Variants in KREMEN1 observed in about 807,000 individuals in gnomAD.
The protein encoded by KREMEN1 is kringle containing transmembrane protein 1.
Under a neutral mutation model 46.5 loss-of-function variants are expected in KREMEN1, and 30 were observed. That is an observed-to-expected ratio of 0.65 (90% confidence interval 0.48 to 0.88). The LOEUF (loss-of-function observed/expected upper bound fraction) is 0.88, where lower values mean the gene tolerates loss of function less well. Ranked by LOEUF, KREMEN1 falls within the 40% of genes least tolerant of loss-of-function variation. The pLI, the probability that KREMEN1 is intolerant of heterozygous loss-of-function variation, is 0.00. For synonymous variants in KREMEN1, 214 were observed against 230.6 expected (o/e 0.93, Z 0.65); for missense variants, 533 against 596.9 (o/e 0.89, Z 1.11).
At chr22:29,149,384 A>G (rs536917181), downstream of KREMEN1, among the ~76,000 whole-genome samples, 1 of 151,968 alleles carries the variant, frequency 6.6e-6, no homozygotes, top group Admixed American at 6.5e-5. Context: ...GATGGTCTCG[A>G]TCTCTTGACC....
Position 29,145,320 on chromosome 22 carries a change from G to A in KREMEN1, c.*3208G>A. 1.0e-6 allele frequency: 1 copy of A among 985,678 alleles called. No homozygotes were observed. The highest frequency in any genetic ancestry group is 4.7e-5 in the South Asian group (1 of 21,296). The allele number at this position is 985,678 out of a possible 1,614,324, so 61.1% of individuals were successfully genotyped here. ...CAGTCAGAACCCATGGCAGAAGACT[G>A]CAGGAGAGGCAGGGGAGGGGCTTCG... On this transcript the variant is annotated 3_prime_UTR_variant, in exon 9 of 9. Transcript: ENST00000400335.
intron 5 of KREMEN1, among the ~76,000 whole-genome samples, chr22:29,132,511 C>T (rs548610509): frequency 1.4e-4 from 21 of 152,320 alleles, no homozygotes; most frequent in Non-Finnish European, 2.5e-4. Context: ...TTTTCATTTG[C>T]TCCACTTTCT....
intron 9 of KREMEN1, among the ~76,000 whole-genome samples, chr22:29,164,944 G>C (rs892331206): frequency 1.3e-5 from 2 of 151,808 alleles, no homozygotes; most frequent in Non-Finnish European, 2.9e-5. Flanking sequence ...GGAGGCCCAG[G>C]CAGGCGGATC....
At position 29,073,114 on chromosome 22, in the gene KREMEN1, C is replaced by T. The variant is rs2037495363; in HGVS notation, c.-17C>T. 3.1e-6 allele frequency: 3 copies of T among 973,424 alleles called. No homozygotes were observed. Among genetic ancestry groups the T allele is most frequent in the Non-Finnish European group, 3.7e-6 (3 of 809,980 alleles). 60.3% of individuals were successfully genotyped at this position (973,424 alleles called of 1,614,324 possible). A position where few individuals can be genotyped will look rare whatever the true frequency, so the allele number is the denominator to read the frequency against. ...CTTTACCCCGGGCCGCGCCCCGGGGCCCCGCACTGACGGCCCATGGCGCCG... is the reference window on the plus strand; with the variant it reads ...CTTTACCCCGGGCCGCGCCCCGGGGTCCCGCACTGACGGCCCATGGCGCCG... On this transcript the variant is annotated 5_prime_UTR_variant, in exon 1 of 9. Transcript: ENST00000400335. This position sits in a 1 kb window ranked among gnomAD's most constrained non-coding sequence, Gnocchi z 4.4.
Position 29,137,571 on chromosome 22 carries a change from G to A in KREMEN1, c.861G>A (p.Arg287=). 1.2e-6 allele frequency: 2 copies of A among 1,613,900 alleles called. No homozygotes were observed. Among genetic ancestry groups the A allele is most frequent in the South Asian group, 1.1e-5 (1 of 91,076 alleles). ...GTGTCCTAGCCCGCTTCCACGGGAG[G>A]AGCCGCCCACCTCTGTCCTTCAACG... ...THRVLARFHG[R]SRPPLSFNVS... is the part of the protein sequence containing the mutation. The change falls in exon 6 of 9, where the codon AGG becomes AGA. Residue 287 remains arginine (R), a synonymous_variant. Coordinates refer to ENST00000400335, the MANE Select transcript of KREMEN1 (RefSeq NM_001039570.3).
chr22:29,143,699 G>A lies in KREMEN1; in HGVS notation c.*1587G>A, dbSNP rs1334623795. On this transcript the variant is annotated 3_prime_UTR_variant, in exon 9 of 9. Transcript: ENST00000400335. Reference sequence around the variant, plus strand: ...GGAGCTTGCAGTGAGCAGAGATCACGCCACTGCACTCCAGCCTGGGTGACA... The same window carrying A: ...GGAGCTTGCAGTGAGCAGAGATCACACCACTGCACTCCAGCCTGGGTGACA... The A allele has an allele frequency of 6.8e-5, 62 of 912,498 alleles. No individual in the cohort carries two copies. The highest frequency in any genetic ancestry group is 7.3e-5 in the Non-Finnish European group (56 of 764,960). The allele number at this position is 912,498 out of a possible 1,614,324, so 56.5% of individuals were successfully genotyped here.
chr22:29,137,484 C>A lies in KREMEN1; in HGVS notation c.774C>A (p.Phe258Leu), dbSNP rs1178145649. The change falls in exon 6 of 9, where the codon TTC becomes TTA. Residue 258 changes from phenylalanine (F) to leucine (L), a missense_variant. Phe to Leu is a conservative substitution (Grantham distance 22). Transcript: ENST00000400335. ...VPGASHIHFS[F>L]PLFDIRDSAD... ...GGGCCTCCCACATCCACTTCAGCTT[C>A]CCCCTATTTGACATCAGGGACTCGG... is the stretch of plus-strand genomic sequence containing the variant. 1 of 1,608,642 alleles carries A rather than the reference C, an allele frequency of 6.2e-7. No homozygotes were observed. Among genetic ancestry groups the A allele is most frequent in the Admixed American group, 1.7e-5 (1 of 59,930 alleles).
chr22:29,133,648 CTGTTTT>C (rs2038604439), intron 5 of KREMEN1, among the ~76,000 whole-genome samples: 1 of 150,736 alleles, frequency 6.6e-6, no homozygotes, highest in South Asian at 2.1e-4. Flanking sequence ...TCTTCTTTGT[CTGTTTT>C]TTTTTGTTTG....
chr22:29,102,681 C>T (rs1014866528), intron 3 of KREMEN1, among the ~76,000 whole-genome samples: 1 of 152,102 alleles, frequency 6.6e-6, no homozygotes, highest in African/African-American at 2.4e-5. Context: ...TGCTATAAAC[C>T]GCTTAGTATG....
chr22:29,128,449 TG>T (rs1312056445), intron 5 of KREMEN1, among the ~76,000 whole-genome samples: 3 of 152,194 alleles, frequency 2.0e-5, no homozygotes, highest in Admixed American at 6.5e-5. Context: ...ACATTTTTAT[TG>T]GGCATCTGCT....
intron 3 of KREMEN1, among the ~76,000 whole-genome samples, chr22:29,117,314 T>C (rs1273286337): frequency 1.3e-5 from 2 of 152,190 alleles, no homozygotes; most frequent in South Asian, 2.1e-4. Flanking sequence ...ACGCCTGTAA[T>C]CCCAGCACTT....
chr22:29,086,172 AT>A (rs1285987360), intron 1 of KREMEN1, among the ~76,000 whole-genome samples: 3 of 152,014 alleles, frequency 2.0e-5, no homozygotes, highest in African/African-American at 7.2e-5. Flanking sequence ...ATTTATTTAG[AT>A]CTTGAACTTG....
intron 1 of KREMEN1, among the ~76,000 whole-genome samples, chr22:29,077,405 A>C (rs1018399745): frequency 5.9e-5 from 9 of 152,194 alleles, no homozygotes; most frequent in Non-Finnish European, 1.3e-4. Context: ...GCTGAAGTGC[A>C]GTGGCGCAAT....
At chr22:29,161,046 A>G (rs1439934371) in intron 9 of KREMEN1, among the ~76,000 whole-genome samples, 2 of 152,224 alleles carry the variant, frequency 1.3e-5, no homozygotes, top group Non-Finnish European at 2.9e-5. Context: ...CACTTGTAAT[A>G]AGGGACCCCA....
chr22:29,093,347 G>A (rs2037830639), intron 1 of KREMEN1, among the ~76,000 whole-genome samples: 1 of 152,206 alleles, frequency 6.6e-6, no homozygotes, highest in Non-Finnish European at 1.5e-5. Context: ...ATATCTTAAA[G>A]AAGTGTTTGA....
chr22:29,076,556 T>G (rs993914328), intron 1 of KREMEN1, among the ~76,000 whole-genome samples: 2 of 152,184 alleles, frequency 1.3e-5, no homozygotes, highest in African/African-American at 4.8e-5. Flanking sequence ...AGACAAACCA[T>G]TTAAATCTTT....
intron 1 of KREMEN1, among the ~76,000 whole-genome samples, chr22:29,074,087 C>T (rs890933171): frequency 1.3e-5 from 2 of 152,234 alleles, no homozygotes; most frequent in Non-Finnish European, 1.5e-5. Context: ...CGCTCAGCCC[C>T]TTTTCCCGAG....
chr22:29,126,356 C>G (rs989507302), intron 5 of KREMEN1, among the ~76,000 whole-genome samples: 2 of 152,172 alleles, frequency 1.3e-5, no homozygotes, highest in African/African-American at 4.8e-5. Flanking sequence ...AATCCAAAAT[C>G]GAGGTGTCAG....
In KREMEN1 at chr22:29,137,641, A is replaced by C; in HGVS notation, c.931A>C (p.Asn311His). 1 of 1,604,628 alleles carries C rather than the reference A, an allele frequency of 6.2e-7. No homozygotes were observed. Reference sequence around the variant, plus strand: ...CTTGTATTTCTTCTCTGATCGCATCAATCAGGCCCAGGGATTTGCTGTTTT... The same window carrying C: ...CTTGTATTTCTTCTCTGATCGCATCCATCAGGCCCAGGGATTTGCTGTTTT... ...VILYFFSDRI[N>H]QAQGFAVLYQ... The change falls in exon 6 of 9, where the codon AAT becomes CAT. Residue 311 changes from asparagine (N) to histidine (H), a missense_variant. Coordinates refer to ENST00000400335, the MANE Select transcript of KREMEN1 (RefSeq NM_001039570.3).
Sources: allele counts gnomAD v4.1 joint callset (sites outside exome capture counted in the v4.1 genomes callset), GRCh38; gene constraint gnomAD v4.1.1; non-coding constraint Gnocchi (gnomAD v3.1); transcripts MANE v1.5; gene names NCBI Gene and HGNC (gene_info 2026-07-23, HGNC 2026-07-21).